Variants in STYXL1 observed in about 807,000 individuals in gnomAD.
STYXL1 encodes the protein serine/threonine/tyrosine-interacting-like protein 1.
STYXL1 carries 32 observed loss-of-function variants against 36.4 expected under a neutral mutation model. The observed-to-expected ratio is 0.88, with a 90% CI of 0.66 to 1.18. The LOEUF is 1.18. Among genes scored for constraint, STYXL1 ranks in the 50% most tolerant of loss-of-function variants. The pLI, the probability that STYXL1 is intolerant of heterozygous loss-of-function variation, is 0.00. For synonymous variants in STYXL1, 133 were observed against 144.1 expected (o/e 0.92, Z 0.55); for missense variants, 354 against 394.1 (o/e 0.90, Z 0.86).
chr7:76,017,288 G>A (rs1793489499), intron 4 of STYXL1, among the ~76,000 whole-genome samples: 1 of 152,000 alleles, frequency 6.6e-6, no homozygotes, highest in Admixed American at 6.6e-5. Flanking sequence ...CCCCCAAAGT[G>A]CTAGGATTAC....
At chr7:76,007,964 T>C (rs140882720) in intron 5 of STYXL1, among the ~76,000 whole-genome samples, 1,557 of 151,052 alleles carry the variant, frequency 0.01, 23 homozygotes, top group African/African-American at 0.034. Flanking sequence ...TTTGGGAGGC[T>C]GAGGTGGGTG....
chr7:76,039,128 G>A (rs541029721), intron 1 of STYXL1, among the ~76,000 whole-genome samples: 1 of 148,762 alleles, frequency 6.7e-6, no homozygotes, highest in Non-Finnish European at 1.5e-5. Context: ...AGTAGAAACG[G>A]GGTTTCACCA....
intron 3 of STYXL1, among the ~76,000 whole-genome samples, chr7:76,023,079 C>T (rs1006893008): frequency 2.0e-5 from 3 of 152,090 alleles, no homozygotes; most frequent in Non-Finnish European, 4.4e-5. Flanking sequence ...AAGATGCAGC[C>T]GGTTTCCAAA....
At chr7:76,001,849 A>G (rs1423279464) in intron 7 of STYXL1, among the ~76,000 whole-genome samples, 1 of 129,824 alleles carries the variant, frequency 7.7e-6, no homozygotes, top group Non-Finnish European at 1.5e-5. Context: ...TATGTTGTTC[A>G]GGCTGGTCTT....
intron 8 of STYXL1, chr7:76,000,555 G>C: frequency 2.1e-6 from 1 of 479,320 alleles, no homozygotes; most frequent in Middle Eastern, 3.1e-4. Context: ...GGGAGTGGGT[G>C]GGCGCCTGTG....
intron 8 of STYXL1, 83 bp from the exon 9 acceptor site, chr7:75,996,682 G>A: frequency 7.2e-7 from 1 of 1,391,202 alleles, no homozygotes; most frequent in Admixed American, 1.8e-5. Context: ...TTCAGAGACA[G>A]GAGGCACTTG....
rs1159067824 is a variant in STYXL1 at position 76,026,192 on chromosome 7, C to CAAAAAAAAAAAAAAAAAAAAA, written c.165+2429_165+2449dup. 1.6e-4 allele frequency among the ~76,000 whole-genome samples: 3 copies of CAAAAAAAAAAAAAAAAAAAAA among 18,624 alleles called. 1 individual carries two copies. The highest frequency in any genetic ancestry group is 2.4e-4 in the African/African-American group (1 of 4,216). 12.2% of individuals were successfully genotyped at this position (18,624 alleles called of 152,430 possible). A position where few individuals can be genotyped will look rare whatever the true frequency, so the allele number is the denominator to read the frequency against. On this transcript the variant is annotated intron_variant, in intron 3 of 8. Transcript: ENST00000359697. ...GGAGGACAGAGCAAGACTCTGTCTC[C>CAAAAAAAAAAAAAAAAAAAAA]AAAAAAAAAAAAAAAAAAAAAAAAA...
intron 4 of STYXL1, among the ~76,000 whole-genome samples, chr7:76,021,443 T>C (rs1554576171): frequency 6.6e-6 from 1 of 152,274 alleles, no homozygotes; most frequent in South Asian, 2.1e-4. Flanking sequence ...AACACTGTTT[T>C]CCCTTTGAGA....
At chr7:76,035,010 G>A (rs1554580438) in intron 1 of STYXL1, among the ~76,000 whole-genome samples, 2 of 130,528 alleles carry the variant, frequency 1.5e-5, no homozygotes, top group African/African-American at 5.3e-5. Flanking sequence ...CAATGCTCTC[G>A]TGCCCACACC....
intron 5 of STYXL1, among the ~76,000 whole-genome samples, chr7:76,010,972 T>C (rs895620494): frequency 2.6e-5 from 4 of 152,166 alleles, no homozygotes; most frequent in Non-Finnish European, 4.4e-5. Flanking sequence ...TCCAGTACTT[T>C]GAGAGGCCAA....
intron 1 of STYXL1, among the ~76,000 whole-genome samples, chr7:76,038,081 T>C (rs1374564752): frequency 7.3e-5 from 11 of 150,278 alleles, no homozygotes; most frequent in African/African-American, 2.4e-4. Flanking sequence ...CTCAGTTTCT[T>C]TTCCTGAAAC....
In STYXL1 at chr7:76,047,728, G is replaced by T; in HGVS notation, c.-71C>A. 3.9e-6 allele frequency: 1 copy of T among 256,538 alleles called. No individual in the cohort carries two copies. The allele number at this position is 256,538 out of a possible 1,614,324, so 15.9% of individuals were successfully genotyped here. ...AGGAATGGGTTTGGCTGAGGTCGGG[G>T]GCTCGGGTCTGGGACGCGCTCCACC... On this transcript the variant is annotated 5_prime_UTR_variant, in exon 1 of 9. Coordinates refer to ENST00000359697, the MANE Select transcript of STYXL1 (RefSeq NM_001317785.2).
chr7:75,999,217 C>T (rs1313265423), intron 8 of STYXL1: 4 of 154,114 alleles, frequency 2.6e-5, no homozygotes, highest in Non-Finnish European at 5.9e-5. Flanking sequence ...AGCACCCAGC[C>T]TAGATGGGTT....
Position 76,047,935 on chromosome 7 carries a change from A to T in STYXL1, c.-278T>A, listed in dbSNP as rs1797351555. 3 of 1,446,676 alleles carry T rather than the reference A, an allele frequency of 2.1e-6. No homozygotes were observed. Among genetic ancestry groups the T allele is most frequent in the Non-Finnish European group, 1.8e-6 (2 of 1,099,958 alleles). The allele number at this position is 1,446,676 out of a possible 1,614,324, so 89.6% of individuals were successfully genotyped here. A position where few individuals can be genotyped will look rare whatever the true frequency, so the allele number is the denominator to read the frequency against. On this transcript the variant is annotated 5_prime_UTR_variant, in exon 1 of 9. Transcript: ENST00000359697. ...CACCGGCCACACAGACGGCTACGCT[A>T]GAACCCAGCCAAACACCGGGGTTGC...
At chr7:76,025,156 T>C (rs1367614367) in intron 3 of STYXL1, among the ~76,000 whole-genome samples, 2 of 58,406 alleles carry the variant, frequency 3.4e-5, no homozygotes, top group African/African-American at 1.4e-4. Context: ...GGGAGGGGGG[T>C]GGGGCTGGGA....
chr7:76,011,085 A>G (rs1462367599), intron 5 of STYXL1, among the ~76,000 whole-genome samples: 2 of 152,104 alleles, frequency 1.3e-5, no homozygotes, highest in Non-Finnish European at 2.9e-5. Flanking sequence ...CTGTGGTGGC[A>G]TGCATCTGTA....
At chr7:76,006,803 C>CAACAAA (rs1791833520) in intron 5 of STYXL1, among the ~76,000 whole-genome samples, 2 of 150,486 alleles carry the variant, frequency 1.3e-5, no homozygotes, top group South Asian at 2.1e-4. Context: ...ACAACAACAA[C>CAACAAA]AAAAAACTTT....
At chr7:76,030,607 C>A in intron 1 of STYXL1, 80 bp from the exon 2 acceptor site, 1 of 851,022 alleles carries the variant, frequency 1.2e-6, no homozygotes, top group Non-Finnish European at 2.0e-6. Context: ...ATGAATTAAA[C>A]TCTTTTTTAA....
At chr7:76,024,484 G>T (rs1554577143) in intron 3 of STYXL1, among the ~76,000 whole-genome samples, 1 of 152,046 alleles carries the variant, frequency 6.6e-6, no homozygotes, top group African/African-American at 2.4e-5. Context: ...GGGTGTGGTG[G>T]TGCACACCTA....
Sources: allele counts gnomAD v4.1 joint callset (sites outside exome capture counted in the v4.1 genomes callset), GRCh38; gene constraint gnomAD v4.1.1; transcripts MANE v1.5; gene names NCBI Gene and HGNC (gene_info 2026-07-23, HGNC 2026-07-21).